Variants in PDE8A observed in about 807,000 individuals in gnomAD.
The protein encoded by PDE8A is high affinity cAMP-specific and IBMX-insensitive 3',5'-cyclic phosphodiesterase 8A.
PDE8A carries 59 observed loss-of-function variants against 105.0 expected under a neutral mutation model. The ratio of observed to expected loss-of-function variants is 0.56; its 90% CI spans 0.46 to 0.70. The LOEUF (loss-of-function observed/expected upper bound fraction) is 0.70, where lower values mean the gene tolerates loss of function less well. Among genes scored for constraint, PDE8A ranks in the 30% least tolerant of loss-of-function variants. The probability of loss-of-function intolerance (pLI) is 0.00; values close to 1 mark genes in which losing one functional copy is unlikely to be tolerated. For missense variants in PDE8A, 1,014 were observed against 1,045.9 expected (o/e 0.97, Z 0.42); for synonymous variants, 355 against 371.9 (o/e 0.95, Z 0.52).
intron 2 of PDE8A, among the ~76,000 whole-genome samples, chr15:85,065,905 C>T (rs1366800254): frequency 6.6e-6 from 1 of 152,244 alleles, no homozygotes; most frequent in East Asian, 1.9e-4. Flanking sequence ...GGCAGCCAGC[C>T]ACTGTCCTGG....
rs2081146458 is a variant in PDE8A, at chr15:85,061,557, T to C, written c.187-2813T>C. Among the ~76,000 whole-genome samples the C allele has an allele frequency of 2.0e-5, 3 of 152,162 alleles. No individual in the cohort carries two copies. In the South Asian group the frequency reaches 6.2e-4, roughly 32 times the overall value. ...GCCCAGTTCTTGCTGCTTTCAAGAT[T>C]CTCTTTTTGTCTTTGAGCAGTTTCA... On this transcript the variant is annotated intron_variant, in intron 1 of 21. Coordinates refer to ENST00000394553, the MANE Select transcript of PDE8A (RefSeq NM_002605.3).
At chr15:85,130,738 GATGCTTAT>G (rs1229293503) in intron 20 of PDE8A, among the ~76,000 whole-genome samples, 2 of 152,168 alleles carry the variant, frequency 1.3e-5, no homozygotes, top group Admixed American at 6.5e-5. Context: ...TCTGGTATTT[GATGCTTAT>G]ATGCTTATAA....
At chr15:85,115,163 G>C in intron 14 of PDE8A, 1 of 415,398 alleles carries the variant, frequency 2.4e-6, no homozygotes, top group Non-Finnish European at 4.3e-6. Context: ...CCCCTCAAAA[G>C]ATGCAGGCTC....
At chr15:85,109,223 C>G in intron 12 of PDE8A, 93 bp downstream of exon 12, 1 of 762,176 alleles carries the variant, frequency 1.3e-6, no homozygotes. Flanking sequence ...TCCTGTCTAC[C>G]TCCAATTCTT....
chr15:85,037,067 T>C (rs1596462960), intron 1 of PDE8A, among the ~76,000 whole-genome samples: 1 of 146,126 alleles, frequency 6.8e-6, no homozygotes, highest in East Asian at 2.0e-4. Flanking sequence ...CTGGACTAAT[T>C]TTTTTTTTTT....
In PDE8A at chr15:85,041,779, G is replaced by A. The variant is rs907271992; in HGVS notation, c.187-22591G>A. 4.6e-5 allele frequency among the ~76,000 whole-genome samples: 7 copies of A among 152,252 alleles called. No individual in the cohort carries two copies. The South Asian group carries it at 1.5e-3, about 32-fold the overall frequency. The stretch of plus-strand genomic sequence containing the variant: ...CTGTTGCTGCTATTTGCAATGAAGG[G>A]GCAGGCGATGATTGTCCAAGGCTGG... On this transcript the variant is annotated intron_variant, in intron 1 of 21. Coordinates refer to ENST00000394553, the MANE Select transcript of PDE8A (RefSeq NM_002605.3).
chr15:85,035,629 A>G (rs1051305824), intron 1 of PDE8A, among the ~76,000 whole-genome samples: 2 of 152,186 alleles, frequency 1.3e-5, no homozygotes, highest in Non-Finnish European at 2.9e-5. Context: ...ATTCAAAACT[A>G]ATAAATAAAT....
At chr15:85,072,514 C>T (rs564310573) in intron 3 of PDE8A, among the ~76,000 whole-genome samples, 1 of 152,308 alleles carries the variant, frequency 6.6e-6, no homozygotes, top group South Asian at 2.1e-4. Context: ...TGTGTATCTT[C>T]TGGAAAGTAT....
intron 5 of PDE8A, among the ~76,000 whole-genome samples, chr15:85,078,043 A>G (rs1269149586): frequency 6.6e-6 from 1 of 152,034 alleles, no homozygotes; most frequent in Admixed American, 6.6e-5. Context: ...TTACTAGCTG[A>G]AAATTTTCCA....
chr15:85,015,709 C>CT (rs1386682948), intron 1 of PDE8A, among the ~76,000 whole-genome samples: 2 of 152,128 alleles, frequency 1.3e-5, no homozygotes, highest in Admixed American at 6.5e-5. Context: ...CTCTGCATTC[C>CT]TTTTTTTGTT....
chr15:85,033,024 G>T (rs576813773), intron 1 of PDE8A, among the ~76,000 whole-genome samples: 1 of 152,260 alleles, frequency 6.6e-6, no homozygotes, highest in South Asian at 2.1e-4. Context: ...ATCCCCAGCA[G>T]CTAGGAGAGA....
intron 1 of PDE8A, among the ~76,000 whole-genome samples, chr15:85,002,806 A>C (rs923032625): frequency 6.6e-6 from 1 of 152,136 alleles, no homozygotes; most frequent in Non-Finnish European, 1.5e-5. Context: ...GGTGTTGTGG[A>C]AGGGGCTTGT....
chr15:85,115,779 G>A, intron 15 of PDE8A: 1 of 553,368 alleles, frequency 1.8e-6, no homozygotes, highest in Admixed American at 3.4e-5. Flanking sequence ...AAATTAGCCA[G>A]GCATGGTGGC....
chr15:85,019,355 C>T (rs2080381256), intron 1 of PDE8A, among the ~76,000 whole-genome samples: 1 of 152,024 alleles, frequency 6.6e-6, no homozygotes. Context: ...ATAGACATAG[C>T]AAATGTATCA....
intron 2 of PDE8A, 70 bp from the exon 3 acceptor site, chr15:85,066,944 A>G: frequency 1.6e-6 from 2 of 1,248,238 alleles, no homozygotes; most frequent in Non-Finnish European, 2.3e-6. Flanking sequence ...GTCTCAAGAA[A>G]AAAAAAGTGT....
At chr15:85,085,643 C>G (rs1199135659) in intron 6 of PDE8A, among the ~76,000 whole-genome samples, 2 of 151,186 alleles carry the variant, frequency 1.3e-5, no homozygotes, top group Non-Finnish European at 2.9e-5. Flanking sequence ...CCATTGCACT[C>G]CAGCCTGGGC....
chr15:85,030,772 T>G (rs1323705270), intron 1 of PDE8A, among the ~76,000 whole-genome samples: 2 of 152,236 alleles, frequency 1.3e-5, no homozygotes, highest in Non-Finnish European at 2.9e-5. Flanking sequence ...AGAGCCCTAC[T>G]TTTCCTTCAA....
At chr15:84,981,842 A>C, upstream of PDE8A, 1 of 177,352 alleles carries the variant, frequency 5.6e-6, no homozygotes, top group Non-Finnish European at 1.2e-5. Flanking sequence ...TCCTCCCCCT[A>C]TTTCCCCGGA....
intron 1 of PDE8A, among the ~76,000 whole-genome samples, chr15:85,005,864 A>G (rs1480046437): frequency 6.6e-6 from 1 of 152,218 alleles, no homozygotes; most frequent in East Asian, 1.9e-4. Context: ...CCAAGGGAAC[A>G]TGGCGAGAAC....
Sources: allele counts gnomAD v4.1 joint callset (sites outside exome capture counted in the v4.1 genomes callset), GRCh38; gene constraint gnomAD v4.1.1; transcripts MANE v1.5; gene names NCBI Gene and HGNC (gene_info 2026-07-23, HGNC 2026-07-21).